The following SYNE1 variants were observed in gnomAD, a reference collection of about 807,000 sequenced individuals.
SYNE1 encodes the protein nesprin-1.
In SYNE1, 616 loss-of-function variants were observed where a neutral mutation model predicts 1,111.0. The observed-to-expected ratio is 0.55, with a 90% CI of 0.52 to 0.59. The LOEUF (loss-of-function observed/expected upper bound fraction) is 0.59. Among genes scored for constraint, SYNE1 ranks in the 20% least tolerant of loss-of-function variants. The pLI, the probability that SYNE1 is intolerant of heterozygous loss-of-function variation, is 0.00. For missense variants in SYNE1, 10,006 were observed against 10,417.0 expected (o/e 0.96, Z 1.72); for synonymous variants, 3,855 against 3,825.8 (o/e 1.01, Z -0.28).
intron 14 of SYNE1, among the ~76,000 whole-genome samples, chr6:152,477,927 A>T (rs994110298): frequency 2.0e-5 from 3 of 152,060 alleles, no homozygotes; most frequent in African/African-American, 7.2e-5. Flanking sequence ...CACTATGCCT[A>T]ATTTTTTATT....
intron 38 of SYNE1, 69 bp from the exon 39 acceptor site, chr6:152,425,616 C>A: frequency 6.3e-7 from 1 of 1,580,482 alleles, no homozygotes; most frequent in Non-Finnish European, 8.7e-7. Context: ...GCGGCACAGG[C>A]GGCTGTTGTC....
intron 39 of SYNE1, among the ~76,000 whole-genome samples, chr6:152,420,400 A>C (rs796471690): frequency 6.6e-6 from 1 of 152,194 alleles, no homozygotes; most frequent in South Asian, 2.1e-4. Flanking sequence ...CAGCTGGATC[A>C]CTTGAAGTCA....
Position 152,466,057 on chromosome 6 carries a change from A to G in SYNE1, c.1654T>C (p.Phe552Leu). The G allele has an allele frequency of 6.2e-7, 1 of 1,610,660 alleles. No individual in the cohort carries two copies. Among genetic ancestry groups the G allele is most frequent in the South Asian group, 1.1e-5 (1 of 91,002 alleles). Residue 552 changes from phenylalanine to leucine, a missense_variant, in exon 17 of 146, where the codon TTC becomes CTC. By Grantham distance (22) the Phe-to-Leu change is conservative (BLOSUM62 0). Coordinates refer to ENST00000367255, the MANE Select transcript of SYNE1 (RefSeq NM_182961.4). The stretch of plus-strand genomic sequence containing the variant: ...TATGTCACCTCATATTGTTCAAAGA[A>G]CTTGCTATTTTCTATAAAAGACTAG... ...NYVSFIENSK[F>L]FEQYEVTYQI...
At chr6:152,269,356 C>A (rs187709341) in intron 98 of SYNE1, 70 bp from the exon 99 acceptor site, 2 of 1,610,348 alleles carry the variant, frequency 1.2e-6, no homozygotes, top group Admixed American at 1.7e-5. Context: ...GGAGAGAAGG[C>A]TACTTTGGTG....
chr6:152,554,754 G>A lies in SYNE1; in HGVS notation c.68-14733C>T, dbSNP rs1179328057. On this transcript the variant is annotated intron_variant, in intron 3 of 145. Transcript: ENST00000367255. ...CACCCTTTGCATAACTATTTCTCCTGAATATGATACCATTTTTCCAGTTCT... is the reference window on the plus strand; with the variant it reads ...CACCCTTTGCATAACTATTTCTCCTAAATATGATACCATTTTTCCAGTTCT... Among the ~76,000 whole-genome samples, 10 of 152,140 alleles carry A rather than the reference G, an allele frequency of 6.6e-5. No homozygotes were observed. In the East Asian group the frequency reaches 1.9e-3, roughly 29 times the overall value.
intron 40 of SYNE1, 71 bp downstream of exon 40, chr6:152,419,498 C>G: frequency 6.9e-7 from 1 of 1,454,320 alleles, no homozygotes; most frequent in Non-Finnish European, 9.4e-7. Context: ...AATGTTGCAT[C>G]TCTTTTTAAT....
chr6:152,357,970 A>AACT (rs2096866560), intron 66 of SYNE1, among the ~76,000 whole-genome samples: 1 of 152,164 alleles, frequency 6.6e-6, no homozygotes, highest in African/African-American at 2.4e-5. Flanking sequence ...TTTTGCTTAA[A>AACT]ACTACATGGT....
chr6:152,189,848 A>C (rs2153230945), intron 127 of SYNE1, among the ~76,000 whole-genome samples: 1 of 152,342 alleles, frequency 6.6e-6, no homozygotes, highest in East Asian at 1.9e-4. Flanking sequence ...GTGATTGATG[A>C]AGGCTAGGGT....
At chr6:152,472,520 G>A in intron 14 of SYNE1, 107 bp from the exon 15 acceptor site, 1 of 1,021,234 alleles carries the variant, frequency 9.8e-7, no homozygotes, top group South Asian at 1.3e-5. Flanking sequence ...TCAACAATTT[G>A]ATCCCGCTGC....
At chr6:152,300,173 G>A (rs2095095102) in intron 93 of SYNE1, among the ~76,000 whole-genome samples, 1 of 151,922 alleles carries the variant, frequency 6.6e-6, no homozygotes, top group African/African-American at 2.4e-5. Flanking sequence ...TCCTTACATT[G>A]GTACACAAGT....
Position 152,331,202 on chromosome 6 carries a change from T to C in SYNE1, c.13483A>G (p.Thr4495Ala). Reference protein sequence around the residue: ...LPDDVSKQVKTCKSAQASLKT... With the variant: ...LPDDVSKQVKACKSAQASLKT... ...AGGCTGGCTTGTGCACTCTTACATG[T>C]TTTGACTTGTTTGCTCACATCATCT... is the stretch of plus-strand genomic sequence containing the variant. The change falls in exon 78 of 146, where the codon ACA (threonine) becomes GCA (alanine). Residue 4495 changes from threonine (T) to alanine (A), a missense_variant. By Grantham distance (58) the Thr-to-Ala change is moderately conservative. Around this residue, in one of 7 missense-constraint regions of SYNE1, gnomAD observed 4,955 missense variants for 5,017.2 expected, o/e 0.99. Coordinates refer to ENST00000367255, the MANE Select transcript of SYNE1 (RefSeq NM_182961.4). The C allele has an allele frequency of 4.3e-6, 7 of 1,613,934 alleles. No homozygotes were observed. The highest frequency in any genetic ancestry group is 5.9e-6 in the Non-Finnish European group (7 of 1,180,034).
chr6:152,584,868 A>T (rs2099532461), intron 3 of SYNE1, among the ~76,000 whole-genome samples: 1 of 152,238 alleles, frequency 6.6e-6, no homozygotes, highest in Non-Finnish European at 1.5e-5. Flanking sequence ...ATATTTTAAT[A>T]GCTGCATAAT....
At chr6:152,453,544 T>C in intron 25 of SYNE1, 42 bp downstream of exon 25, 1 of 1,614,138 alleles carries the variant, frequency 6.2e-7, no homozygotes, top group East Asian at 2.2e-5. Flanking sequence ...AGCTTCTCCC[T>C]TCATTGAGGA....
At chr6:152,444,324 G>A (rs2098557312) in intron 30 of SYNE1, 87 bp downstream of exon 30, 2 of 1,469,786 alleles carry the variant, frequency 1.4e-6, no homozygotes, top group Admixed American at 1.7e-5. Flanking sequence ...ACTCTCTCAA[G>A]CCAGTGGTTG....
chr6:152,612,966 C>A (rs985113624), intron 3 of SYNE1, among the ~76,000 whole-genome samples: 1 of 152,088 alleles, frequency 6.6e-6, no homozygotes, highest in African/African-American at 2.4e-5. Context: ...GCTAAAAAAT[C>A]TCAATAAACT....
chr6:152,567,077 C>T (rs1189852835), intron 3 of SYNE1, among the ~76,000 whole-genome samples: 1 of 151,104 alleles, frequency 6.6e-6, no homozygotes. Flanking sequence ...TAAACTGCTC[C>T]ATCCCTCTGC....
intron 91 of SYNE1, among the ~76,000 whole-genome samples, chr6:152,306,903 CAAAAAAAAAAAA>C (rs973985274): frequency 1.7e-5 from 1 of 60,586 alleles, no homozygotes; most frequent in African/African-American, 6.6e-5. Context: ...GACTGTGTCT[CAAAAAAAAAAAA>C]AAAAAAAAAG....
intron 62 of SYNE1, 196 bp downstream of exon 62, chr6:152,367,022 T>C (rs1264535993): frequency 1.4e-6 from 1 of 735,108 alleles, no homozygotes; most frequent in South Asian, 1.5e-5. Flanking sequence ...ATTTTATTTT[T>C]TGGAAAACAT....
At chr6:152,554,369 C>T (rs967844369) in intron 3 of SYNE1, among the ~76,000 whole-genome samples, 1 of 152,088 alleles carries the variant, frequency 6.6e-6, no homozygotes, top group Admixed American at 6.5e-5. Flanking sequence ...CCAAGAGATG[C>T]TGCCTCCTCC....
Sources: gnomAD v4.1 joint callset for allele counts (sites outside exome capture counted in the v4.1 genomes callset) on GRCh38, gnomAD v4.1.1 for gene constraint, gnomAD v4.1.1 regional missense constraint, MANE v1.5 for transcripts, NCBI Gene and HGNC (gene_info 2026-07-23, HGNC 2026-07-21) for gene names.